Variants in METTL16 observed in about 807,000 individuals in gnomAD.
METTL16 encodes the protein methyltransferase 16, RNA N6-adenosine, also known as RNA N(6)-adenosine-methyltransferase METTL16.
A neutral mutation model predicts 57.9 loss-of-function variants in METTL16; 19 were observed. That is an observed-to-expected ratio of 0.33 (90% confidence interval 0.23 to 0.48). METTL16 has a LOEUF of 0.48. METTL16 is among the 20% of genes least tolerant of loss of function. The pLI is 0.99. For missense variants in METTL16, 434 were observed against 691.5 expected, an observed-to-expected ratio of 0.63 and a Z score of 4.18; for synonymous variants, 246 against 255.6, an observed-to-expected ratio of 0.96 and a Z score of 0.36.
chr17:2,434,068 A>T (rs2066893616), intron 8 of METTL16, among the ~76,000 whole-genome samples: 1 of 152,216 alleles, frequency 6.6e-6, no homozygotes, highest in South Asian at 2.1e-4. Flanking sequence ...CACAATGAAG[A>T]CCACACTTAA....
rs1443453865 is a variant in METTL16 at position 2,417,642 on chromosome 17, G to C, written c.*2328C>G. The C allele has an allele frequency of 6.6e-6, 1 of 152,172 alleles. No individual in the cohort carries two copies. Among genetic ancestry groups the C allele is most frequent in the African/African-American group, 2.4e-5 (1 of 41,438 alleles). The allele number at this position is 152,172 out of a possible 1,614,324, so 9.4% of individuals were successfully genotyped here. A position where few individuals can be genotyped will look rare whatever the true frequency, so the allele number is the denominator to read the frequency against. On this transcript the variant is annotated 3_prime_UTR_variant, in exon 10 of 10. Transcript: ENST00000263092. ...AAGATGTTAAATGAACAAAGGACCAGAATACAAAACTGAATACGCAGCATG... is the reference window on the plus strand; with the variant it reads ...AAGATGTTAAATGAACAAAGGACCACAATACAAAACTGAATACGCAGCATG...
chr17:2,507,354 C>T (rs1210629686), intron 1 of METTL16, among the ~76,000 whole-genome samples: 1 of 147,690 alleles, frequency 6.8e-6, no homozygotes, highest in Admixed American at 6.7e-5. Flanking sequence ...ACCCAGCCAG[C>T]CACCCCGTCC....
chr17:2,450,107 G>A (rs1025958865), intron 6 of METTL16, among the ~76,000 whole-genome samples: 31 of 152,176 alleles, frequency 2.0e-4, no homozygotes, highest in African/African-American at 6.5e-4. Context: ...AACAGGACCA[G>A]GAGTCCTACT....
chr17:2,423,261 G>GGGGTGTGTGTGTGTGT (rs1178930575), intron 8 of METTL16, among the ~76,000 whole-genome samples: 3 of 143,602 alleles, frequency 2.1e-5, no homozygotes, highest in East Asian at 2.1e-4. Flanking sequence ...AAAAACAAAG[G>GGGGTGTGTGTGTGTGT]GTGTGTGTGT....
At chr17:2,451,857 A>T (rs1028832760) in intron 6 of METTL16, among the ~76,000 whole-genome samples, 1 of 152,192 alleles carries the variant, frequency 6.6e-6, no homozygotes, top group Admixed American at 6.5e-5. Context: ...CAACAAAAAA[A>T]GATACTGGCT....
chr17:2,495,537 A>T (rs910644203), intron 2 of METTL16, among the ~76,000 whole-genome samples: 3 of 151,674 alleles, frequency 2.0e-5, no homozygotes, highest in Non-Finnish European at 2.9e-5. Context: ...TCTACTAAAA[A>T]TACAAAAATT....
chr17:2,466,193 CAA>C (rs35300433), intron 5 of METTL16, among the ~76,000 whole-genome samples: 3,029 of 103,728 alleles, frequency 0.029, 38 homozygotes, highest in African/African-American at 0.085. Flanking sequence ...GACTCTGTCA[CAA>C]AAAAAAAAAA....
At chr17:2,471,929 C>A (rs2067237913) in intron 4 of METTL16, among the ~76,000 whole-genome samples, 2 of 151,996 alleles carry the variant, frequency 1.3e-5, no homozygotes, top group Admixed American at 1.3e-4. Context: ...GCCTGGGCAA[C>A]ATGGTGAAAC....
intron 1 of METTL16, among the ~76,000 whole-genome samples, chr17:2,509,823 G>T (rs902209775): frequency 6.6e-6 from 1 of 151,590 alleles, no homozygotes; most frequent in African/African-American, 2.4e-5. Flanking sequence ...TGAGGCAGGA[G>T]AATCACTTGA....
At chr17:2,505,363 T>C (rs2067522965) in intron 1 of METTL16, among the ~76,000 whole-genome samples, 1 of 149,898 alleles carries the variant, frequency 6.7e-6, no homozygotes, top group Non-Finnish European at 1.5e-5. Context: ...CCACTCTTTT[T>C]CCCTGTCCCC....
chr17:2,419,954 A>G lies in METTL16; in HGVS notation c.*16T>C, dbSNP rs372511443. 5 of 1,612,596 alleles carry G rather than the reference A, an allele frequency of 3.1e-6. No individual in the cohort carries two copies. Among genetic ancestry groups the G allele is most frequent in the East Asian group, 2.2e-5 (1 of 44,878 alleles). On this transcript the variant is annotated 3_prime_UTR_variant, in exon 10 of 10. Transcript: ENST00000263092. Reference sequence around the variant, plus strand: ...GCAAGTTACTATCAACACGTTTCCAACTGTGCAGGAGGTTTCTAGTTAACT... The same window carrying G: ...GCAAGTTACTATCAACACGTTTCCAGCTGTGCAGGAGGTTTCTAGTTAACT...
intron 4 of METTL16, among the ~76,000 whole-genome samples, chr17:2,471,671 C>T (rs903943936): frequency 4.6e-5 from 7 of 152,054 alleles, no homozygotes; most frequent in Admixed American, 4.6e-4. Flanking sequence ...CGCCTGTAGT[C>T]CCAGCTACTC....
At position 2,420,392 on chromosome 17, in the gene METTL16, C is replaced by T. The variant is rs1597433465; in HGVS notation, c.1267G>A (p.Ala423Thr). ...GGGGTCCTCTCCTGGGGGCCCCTGG[C>T]CAGTTCTTGGCTATTGCCAGACTCT... ...PKESGNSQEL[A>T]RGPQERTPCG... The change falls in exon 10 of 10, where the codon GCC becomes ACC. Residue 423 changes from alanine (A) to threonine (T), a missense_variant. Physicochemically the swap from Ala to Thr is moderately conservative, Grantham distance 58. Transcript: ENST00000263092. This position sits in a 1 kb window ranked among gnomAD's most constrained non-coding sequence, Gnocchi z 5.4. 1 of 1,613,636 alleles carries T rather than the reference C, an allele frequency of 6.2e-7. No homozygotes were observed.
chr17:2,433,088 AG>A (rs1259038660), intron 8 of METTL16, among the ~76,000 whole-genome samples: 1 of 152,238 alleles, frequency 6.6e-6, no homozygotes, highest in East Asian at 1.9e-4. Flanking sequence ...GATAACTGAA[AG>A]AGATCAATGC....
chr17:2,481,671 A>G (rs2067307940), intron 2 of METTL16, among the ~76,000 whole-genome samples: 1 of 152,238 alleles, frequency 6.6e-6, no homozygotes, highest in African/African-American at 2.4e-5. Context: ...AGAGAGGTTA[A>G]TAATGAAGAC....
intron 4 of METTL16, among the ~76,000 whole-genome samples, chr17:2,471,222 G>T (rs772438100): frequency 1.3e-5 from 2 of 152,120 alleles, no homozygotes; most frequent in Non-Finnish European, 2.9e-5. Flanking sequence ...CCCAGGCTGG[G>T]GTGCAGCGTC....
intron 5 of METTL16, 59 bp downstream of exon 5, chr17:2,467,702 A>AG: frequency 7.6e-7 from 1 of 1,319,718 alleles, no homozygotes; most frequent in Admixed American, 1.7e-5. Flanking sequence ...CAGGGATTAC[A>AG]GGCGTGAGCC....
At chr17:2,435,695 C>A (rs906065244) in intron 8 of METTL16, among the ~76,000 whole-genome samples, 1 of 147,542 alleles carries the variant, frequency 6.8e-6, no homozygotes, top group Non-Finnish European at 1.5e-5. Flanking sequence ...AAGACTCTGG[C>A]AGGGGGGAGT....
intron 8 of METTL16, among the ~76,000 whole-genome samples, chr17:2,430,759 T>C (rs2066868052): frequency 1.3e-5 from 2 of 151,958 alleles, no homozygotes; most frequent in Non-Finnish European, 2.9e-5. Context: ...GAAATATAGA[T>C]ACAGAAAAGC....
Sources: allele counts gnomAD v4.1 joint callset (sites outside exome capture counted in the v4.1 genomes callset), GRCh38; gene constraint gnomAD v4.1.1; non-coding constraint Gnocchi (gnomAD v3.1); transcripts MANE v1.5; gene names NCBI Gene and HGNC (gene_info 2026-07-23, HGNC 2026-07-21).